MRPL1: variants seen among roughly 807,000 people sequenced by gnomAD.
The protein encoded by MRPL1 is large ribosomal subunit protein uL1m.
MRPL1 carries 28 observed loss-of-function variants against 38.0 expected under a neutral mutation model. The observed-to-expected ratio is 0.74, with a 90% CI of 0.55 to 1.01. The LOEUF (loss-of-function observed/expected upper bound fraction) is 1.01, where lower values mean the gene tolerates loss of function less well. MRPL1 is among the 50% of genes least tolerant of loss of function. The pLI is 0.00. For missense variants in MRPL1, 358 were observed against 389.8 expected (o/e 0.92, Z 0.69); for synonymous variants, 123 against 126.7 (o/e 0.97, Z 0.20).
At chr4:77,909,978 A>G (rs747164174) in intron 7 of MRPL1, among the ~76,000 whole-genome samples, 10 of 152,226 alleles carry the variant, frequency 6.6e-5, no homozygotes, top group Non-Finnish European at 1.5e-4. Context: ...TAAAGTGCCT[A>G]TCCAACATAT....
At chr4:77,887,323 A>G (rs766160740) in intron 5 of MRPL1, 32 bp downstream of exon 5, 1 of 1,507,790 alleles carries the variant, frequency 6.6e-7, no homozygotes, top group Non-Finnish European at 9.2e-7. Context: ...CATTAAGTAT[A>G]GAGATGATTC....
At chr4:77,894,965 G>A (rs1308682068) in intron 6 of MRPL1, among the ~76,000 whole-genome samples, 1 of 152,148 alleles carries the variant, frequency 6.6e-6, no homozygotes, top group Non-Finnish European at 1.5e-5. Flanking sequence ...CATAGGCCAG[G>A]TACAAGAAAT....
chr4:77,888,773 T>C (rs1735740936), intron 5 of MRPL1, among the ~76,000 whole-genome samples: 1 of 152,120 alleles, frequency 6.6e-6, no homozygotes, highest in African/African-American at 2.4e-5. Context: ...GCAGGTTTGT[T>C]ACGTATGTAT....
chr4:77,913,683 T>G (rs1290894321), intron 7 of MRPL1, among the ~76,000 whole-genome samples: 1 of 152,208 alleles, frequency 6.6e-6, no homozygotes, highest in African/African-American at 2.4e-5. Flanking sequence ...CAAAGACCTG[T>G]AAGCAAGGGT....
chr4:77,912,712 C>A (rs910986884), intron 7 of MRPL1, among the ~76,000 whole-genome samples: 7 of 152,030 alleles, frequency 4.6e-5, no homozygotes, highest in Non-Finnish European at 8.8e-5. Context: ...TTCTAAAATT[C>A]ATAGAAAAAT....
At chr4:77,916,428 A>G (rs75789523) in intron 7 of MRPL1, among the ~76,000 whole-genome samples, 9,657 of 152,264 alleles carry the variant, frequency 0.063, 474 homozygotes, top group African/African-American at 0.14. Context: ...ACAAATGCAT[A>G]TAAAGAAACA....
At chr4:77,875,700 C>T (rs1171471599) in intron 2 of MRPL1, among the ~76,000 whole-genome samples, 7 of 151,836 alleles carry the variant, frequency 4.6e-5, no homozygotes, top group Non-Finnish European at 8.8e-5. Flanking sequence ...AAAGGTATTT[C>T]GGTAGTGCAG....
chr4:77,887,797 G>T (rs1365899865), intron 5 of MRPL1, among the ~76,000 whole-genome samples: 3 of 152,100 alleles, frequency 2.0e-5, no homozygotes, highest in Admixed American at 2.0e-4. Flanking sequence ...GGGGTTACAG[G>T]TGTGAGCCAC....
At chr4:77,883,196 C>A (rs1202752972) in intron 2 of MRPL1, 46 bp from the exon 3 acceptor site, 16 of 1,160,794 alleles carry the variant, frequency 1.4e-5, no homozygotes, top group East Asian at 8.3e-5. Flanking sequence ...TAAAAAAAAT[C>A]TCTTAGGATA....
chr4:77,943,162 T>C (rs1281591080), intron 7 of MRPL1, among the ~76,000 whole-genome samples: 4 of 152,146 alleles, frequency 2.6e-5, no homozygotes, highest in Non-Finnish European at 5.9e-5. Context: ...GGATGCAAAA[T>C]TATTGGCCAA....
At chr4:77,929,459 A>G (rs1419403265) in intron 7 of MRPL1, among the ~76,000 whole-genome samples, 6 of 152,314 alleles carry the variant, frequency 3.9e-5, no homozygotes, top group Non-Finnish European at 7.4e-5. Flanking sequence ...AAACAATAAA[A>G]ACATCTATAA....
intron 1 of MRPL1, among the ~76,000 whole-genome samples, chr4:77,869,289 A>G (rs1426285638): frequency 6.6e-6 from 1 of 152,194 alleles, no homozygotes. Context: ...GTGCTGGATC[A>G]GGGAGACTCA....
chr4:77,905,233 A>G (rs1736127365), intron 6 of MRPL1, among the ~76,000 whole-genome samples: 1 of 152,184 alleles, frequency 6.6e-6, no homozygotes, highest in Non-Finnish European at 1.5e-5. Flanking sequence ...GCAGTGACTC[A>G]TGCCTGTAAT....
intron 7 of MRPL1, among the ~76,000 whole-genome samples, chr4:77,909,813 G>A: frequency 6.6e-6 from 1 of 152,080 alleles, no homozygotes; most frequent in Non-Finnish European, 1.5e-5. Flanking sequence ...CTCTGCTAGT[G>A]TTTTTAAAAT....
chr4:77,870,429 A>G (rs748674092), intron 1 of MRPL1, among the ~76,000 whole-genome samples: 2 of 152,228 alleles, frequency 1.3e-5, no homozygotes, highest in Non-Finnish European at 2.9e-5. Context: ...ACACTCAGCA[A>G]TAAAATCTTT....
intron 6 of MRPL1, among the ~76,000 whole-genome samples, chr4:77,898,560 G>A (rs191103219): frequency 7.4e-4 from 112 of 151,192 alleles, no homozygotes; most frequent in Non-Finnish European, 1.3e-3. Flanking sequence ...GGCACATCTC[G>A]GCTCACTGCA....
chr4:77,865,106 T>C (rs1187611462), intron 1 of MRPL1, among the ~76,000 whole-genome samples: 1 of 151,548 alleles, frequency 6.6e-6, no homozygotes, highest in East Asian at 1.9e-4. Flanking sequence ...GCCAGGCTGG[T>C]CTCGAACTCC....
In MRPL1 at chr4:77,903,285, G is replaced by A. The variant is rs575043063; in HGVS notation, c.671-5981G>A. On this transcript the variant is annotated intron_variant, in intron 6 of 8. Coordinates refer to ENST00000315567, the MANE Select transcript of MRPL1 (RefSeq NM_020236.4). ...TGATATCATCTCAGATGCAGAGAAA[G>A]CATTTTGGCAATAATAACTCTCAGA... 1.1e-3 allele frequency among the ~76,000 whole-genome samples: 163 copies of A among 152,222 alleles called. 1 individual carries two copies. Among genetic ancestry groups the A allele is most frequent in the African/African-American group, 3.6e-3 (151 of 41,544 alleles).
chr4:77,905,915 A>T (rs1366141754), intron 6 of MRPL1, among the ~76,000 whole-genome samples: 1 of 152,174 alleles, frequency 6.6e-6, no homozygotes, highest in Non-Finnish European at 1.5e-5. Flanking sequence ...TATCATATTT[A>T]CTCCTTACTA....
Sources: gnomAD v4.1 joint callset for allele counts (sites outside exome capture counted in the v4.1 genomes callset) on GRCh38, gnomAD v4.1.1 for gene constraint, MANE v1.5 for transcripts, NCBI Gene and HGNC (gene_info 2026-07-23, HGNC 2026-07-21) for gene names.